The following CNTN4 variants were observed in gnomAD, a reference collection of about 807,000 sequenced individuals.
The protein encoded by CNTN4 is contactin-4.
In CNTN4, 77 loss-of-function variants were observed where a neutral mutation model predicts 122.5. That is an observed-to-expected ratio of 0.63 (90% CI 0.52 to 0.76). The LOEUF (loss-of-function observed/expected upper bound fraction) is 0.76. Among genes scored for constraint, CNTN4 ranks in the 30% least tolerant of loss-of-function variants. The pLI, the probability that CNTN4 is intolerant of heterozygous loss-of-function variation, is 0.00. For synonymous variants in CNTN4, 512 were observed against 447.0 expected (o/e 1.15, Z -1.83); for missense variants, 1,256 against 1,259.1 (o/e 1.00, Z 0.04).
chr3:2,991,022 C>T (rs1559760878), intron 14 of CNTN4, among the ~76,000 whole-genome samples: 1 of 152,020 alleles, frequency 6.6e-6, no homozygotes, highest in African/African-American at 2.4e-5. Flanking sequence ...ACTAAATATG[C>T]ATTGTTATAG....
intron 3 of CNTN4, among the ~76,000 whole-genome samples, chr3:2,500,333 T>C (rs956762254): frequency 6.6e-6 from 1 of 152,132 alleles, no homozygotes; most frequent in Non-Finnish European, 1.5e-5. Context: ...GTTGCTTTTT[T>C]AGTCAGTAAT....
At chr3:2,132,666 T>G (rs757763181) in intron 2 of CNTN4, among the ~76,000 whole-genome samples, 12 of 152,170 alleles carry the variant, frequency 7.9e-5, no homozygotes, top group Non-Finnish European at 1.8e-4. Flanking sequence ...TTGTCATCAT[T>G]TTTCCTTAGT....
intron 3 of CNTN4, among the ~76,000 whole-genome samples, chr3:2,393,695 A>G (rs1025701450): frequency 3.3e-5 from 5 of 152,102 alleles, no homozygotes; most frequent in Non-Finnish European, 5.9e-5. Flanking sequence ...GTTTTCAAGT[A>G]TTTCTGTCTT....
intron 4 of CNTN4, among the ~76,000 whole-genome samples, chr3:2,724,927 G>A (rs1304431136): frequency 6.6e-6 from 1 of 151,898 alleles, no homozygotes; most frequent in East Asian, 1.9e-4. Flanking sequence ...GAGATAGCTG[G>A]GGAAAGAAAC....
intron 2 of CNTN4, among the ~76,000 whole-genome samples, chr3:2,196,794 C>T (rs1420502148): frequency 6.6e-6 from 1 of 151,766 alleles, no homozygotes; most frequent in East Asian, 1.9e-4. Flanking sequence ...CCTGTAATCC[C>T]AGCACTTTGG....
chr3:2,863,780 T>C (rs909054104), intron 7 of CNTN4, among the ~76,000 whole-genome samples: 1 of 152,102 alleles, frequency 6.6e-6, no homozygotes, highest in Non-Finnish European at 1.5e-5. Flanking sequence ...CATGACAAAA[T>C]CTCTTGCCAG....
In CNTN4 at chr3:2,916,649, A is replaced by C. The variant is rs1353671773; in HGVS notation, c.1208-8980A>C. ...TCTGATTTCTCTTTCCTTTCCCCAC[A>C]CTTCCCCCCCTTCCACTCGACAAAA... On this transcript the variant is annotated intron_variant, in intron 12 of 24. Transcript: ENST00000418658. Among the ~76,000 whole-genome samples the C allele has an allele frequency of 9.0e-5, 11 of 122,332 alleles. 3 individuals carry two copies. The highest frequency in any genetic ancestry group is 1.7e-5 in the Non-Finnish European group (1 of 57,556). The allele number at this position is 122,332 out of a possible 152,430, so 80.3% of individuals were successfully genotyped here. A position where few individuals can be genotyped will look rare whatever the true frequency, so the allele number is the denominator to read the frequency against.
At chr3:2,605,484 G>A (rs1190984946) in intron 4 of CNTN4, among the ~76,000 whole-genome samples, 1 of 152,130 alleles carries the variant, frequency 6.6e-6, no homozygotes, top group Non-Finnish European at 1.5e-5. Flanking sequence ...ACAAAGGGGT[G>A]TCTTGATATG....
chr3:2,447,958 G>T (rs1238556975), intron 3 of CNTN4, among the ~76,000 whole-genome samples: 1 of 152,128 alleles, frequency 6.6e-6, no homozygotes, highest in Non-Finnish European at 1.5e-5. Context: ...TCATAAAAAA[G>T]ATAGAATCAA....
intron 2 of CNTN4, among the ~76,000 whole-genome samples, chr3:2,215,184 A>G (rs112618239): frequency 1.3e-5 from 2 of 152,310 alleles, no homozygotes; most frequent in African/African-American, 4.8e-5. Context: ...TTTTGTTACA[A>G]ATTCATTTAT....
chr3:3,040,782 C>T lies in CNTN4; in HGVS notation c.2398+511C>T, dbSNP rs190888195. On this transcript the variant is annotated intron_variant, in intron 20 of 24. Transcript: ENST00000418658. ...ATCTCTACTAAAAATATAAAATTAG[C>T]CAGTTGTAGTGGCACATCCCTGTAA... Among the ~76,000 whole-genome samples the T allele has an allele frequency of 3.2e-3, 493 of 152,190 alleles. 1 individual carries two copies. The highest frequency in any genetic ancestry group is 0.011 in the African/African-American group (453 of 41,524).
chr3:2,218,641 G>A (rs1357497), intron 2 of CNTN4, among the ~76,000 whole-genome samples: 45,770 of 152,062 alleles, frequency 0.3, 7,276 homozygotes, highest in African/African-American at 0.37. Flanking sequence ...CACATCTCCA[G>A]CTGTCTATAT....
chr3:2,618,217 G>C (rs1157051546), intron 4 of CNTN4, among the ~76,000 whole-genome samples: 1 of 150,834 alleles, frequency 6.6e-6, no homozygotes, highest in Admixed American at 6.6e-5. Flanking sequence ...CTGGGACATA[G>C]AAAGTGTTGT....
intron 13 of CNTN4, among the ~76,000 whole-genome samples, chr3:2,973,236 C>G (rs1012760494): frequency 6.6e-6 from 1 of 151,996 alleles, no homozygotes; most frequent in Non-Finnish European, 1.5e-5. Flanking sequence ...ATGGAAGTTT[C>G]TCCTATGCAA....
chr3:2,204,853 G>A (rs2038267950), intron 2 of CNTN4, among the ~76,000 whole-genome samples: 1 of 152,118 alleles, frequency 6.6e-6, no homozygotes, highest in African/African-American at 2.4e-5. Context: ...AATTGAGAAA[G>A]CTGAGTTAGG....
chr3:2,616,897 C>A (rs751302784), intron 4 of CNTN4, among the ~76,000 whole-genome samples: 1 of 152,044 alleles, frequency 6.6e-6, no homozygotes, highest in Non-Finnish European at 1.5e-5. Flanking sequence ...GGGAAAGGAT[C>A]TCCTATTCAA....
At chr3:2,210,391 A>G (rs992385317) in intron 2 of CNTN4, among the ~76,000 whole-genome samples, 6 of 152,136 alleles carry the variant, frequency 3.9e-5, no homozygotes, top group African/African-American at 1.2e-4. Flanking sequence ...ACCATTCCCA[A>G]TGTAGTCCAA....
chr3:2,620,931 C>T (rs553201024), intron 4 of CNTN4, among the ~76,000 whole-genome samples: 21 of 152,262 alleles, frequency 1.4e-4, no homozygotes, highest in African/African-American at 4.1e-4. Flanking sequence ...TTAAAAGACA[C>T]AAACCTAAAC....
At chr3:2,212,264 C>T (rs1437999309) in intron 2 of CNTN4, among the ~76,000 whole-genome samples, 2 of 152,058 alleles carry the variant, frequency 1.3e-5, no homozygotes, top group African/African-American at 4.8e-5. Context: ...CATGAGACAC[C>T]ACATCAGACC....
Sources: gnomAD v4.1 joint callset for allele counts (sites outside exome capture counted in the v4.1 genomes callset) on GRCh38, gnomAD v4.1.1 for gene constraint, MANE v1.5 for transcripts, NCBI Gene and HGNC (gene_info 2026-07-23, HGNC 2026-07-21) for gene names.